Variants in PTPRK observed in about 807,000 individuals in gnomAD.
PTPRK encodes the protein receptor-type tyrosine-protein phosphatase kappa.
A neutral mutation model predicts 178.0 loss-of-function variants in PTPRK; 75 were observed. The ratio of observed to expected loss-of-function variants is 0.42; its 90% CI spans 0.35 to 0.51. The LOEUF (loss-of-function observed/expected upper bound fraction) is 0.51, where lower values mean the gene tolerates loss of function less well. PTPRK is among the 20% of genes least tolerant of loss of function. PTPRK has a pLI of 0.02. For synonymous variants in PTPRK, 637 were observed against 620.6 expected (o/e 1.03, Z -0.39); for missense variants, 1,441 against 1,797.8 (o/e 0.80, Z 3.59).
intron 2 of PTPRK, among the ~76,000 whole-genome samples, chr6:128,323,538 T>C (rs1254533239): frequency 6.6e-6 from 1 of 152,104 alleles, no homozygotes; most frequent in Non-Finnish European, 1.5e-5. Context: ...CCAAAATTTG[T>C]ACCCATGACA....
chr6:128,025,630 A>AACT (rs1562456546), intron 13 of PTPRK, among the ~76,000 whole-genome samples: 3 of 152,220 alleles, frequency 2.0e-5, no homozygotes, highest in Admixed American at 6.5e-5. Context: ...TGGGAACTAG[A>AACT]GGGCCCCAAA....
At chr6:128,251,591 C>T (rs1043037688) in intron 3 of PTPRK, among the ~76,000 whole-genome samples, 4 of 152,174 alleles carry the variant, frequency 2.6e-5, no homozygotes, top group African/African-American at 9.7e-5. Context: ...TACCTGAATA[C>T]ACACAGGCCT....
In PTPRK at chr6:128,212,006, T is replaced by C. The variant is rs79521434; in HGVS notation, c.868+6916A>G. On this transcript the variant is annotated intron_variant, in intron 6 of 29. Transcript: ENST00000368226. Reference sequence around the variant, plus strand: ...TTCTATAAGACTCTCCCAGTGTAACTTTTTAAAGCCAAATTAGTGCTTAAT... The same window carrying C: ...TTCTATAAGACTCTCCCAGTGTAACCTTTTAAAGCCAAATTAGTGCTTAAT... Among the ~76,000 whole-genome samples, 721 of 152,148 alleles carry C rather than the reference T, an allele frequency of 4.7e-3. 4 individuals carry two copies. Among genetic ancestry groups the C allele is most frequent in the Middle Eastern group, 0.01 (3 of 294 alleles).
At chr6:128,055,042 C>T (rs922025871) in intron 13 of PTPRK, among the ~76,000 whole-genome samples, 2 of 152,096 alleles carry the variant, frequency 1.3e-5, no homozygotes, top group African/African-American at 2.4e-5. Flanking sequence ...TAACTTTAAA[C>T]ATAAGAGAGT....
At chr6:128,197,299 C>T (rs1393306297) in intron 6 of PTPRK, among the ~76,000 whole-genome samples, 2 of 151,068 alleles carry the variant, frequency 1.3e-5, no homozygotes, top group East Asian at 3.9e-4. Context: ...ACCTATCAAC[C>T]TGTCATCTGG....
chr6:128,352,580 T>C (rs998254034), intron 2 of PTPRK, among the ~76,000 whole-genome samples: 3 of 152,158 alleles, frequency 2.0e-5, no homozygotes, highest in African/African-American at 7.2e-5. Flanking sequence ...GAACTTTTTT[T>C]ATTTCCTCTA....
intron 13 of PTPRK, among the ~76,000 whole-genome samples, chr6:128,055,653 G>A (rs899124789): frequency 3.3e-5 from 5 of 152,050 alleles, no homozygotes; most frequent in African/African-American, 7.2e-5. Flanking sequence ...AAGCTGGAGC[G>A]CAGTGGAGTG....
At chr6:128,330,712 T>C (rs1830151919) in intron 2 of PTPRK, among the ~76,000 whole-genome samples, 1 of 152,114 alleles carries the variant, frequency 6.6e-6, no homozygotes, top group South Asian at 2.1e-4. Context: ...ATACATTGCA[T>C]TGAGAATAAA....
chr6:128,166,851 A>G (rs771921753), intron 7 of PTPRK, among the ~76,000 whole-genome samples: 5 of 151,804 alleles, frequency 3.3e-5, no homozygotes, highest in Non-Finnish European at 5.9e-5. Context: ...GATGTAAATT[A>G]CACATATATC....
At position 127,973,118 on chromosome 6, in the gene PTPRK, G is replaced by A; in HGVS notation, c.4173C>T (p.Gly1391=). 1 of 1,613,998 alleles carries A rather than the reference G, an allele frequency of 6.2e-7. No homozygotes were observed. The highest frequency in any genetic ancestry group is 1.6e-4 in the Middle Eastern group (1 of 6,062). ...GGRSGMFCAI[G]IVVEMVKRQN... ...GCCGTTTCACCATTTCAACAACGAT[G>A]CCTATAGCACAGAACATGCCACTTC... Residue 1391 remains glycine (G), a synonymous_variant, in exon 29 of 30, where the codon GGC becomes GGT. Coordinates refer to ENST00000368226, the MANE Select transcript of PTPRK (RefSeq NM_002844.4).
At chr6:128,114,814 G>C (rs1791226401) in intron 7 of PTPRK, among the ~76,000 whole-genome samples, 1 of 151,856 alleles carries the variant, frequency 6.6e-6, no homozygotes, top group African/African-American at 2.4e-5. Context: ...TAAAGACCCA[G>C]AGACAGAGCA....
chr6:128,255,667 A>G (rs1012687471), intron 3 of PTPRK, among the ~76,000 whole-genome samples: 1 of 152,236 alleles, frequency 6.6e-6, no homozygotes, highest in African/African-American at 2.4e-5. Context: ...AAATACTGGT[A>G]AGACAGATCA....
At chr6:128,074,194 C>G (rs1413358444) in intron 11 of PTPRK, among the ~76,000 whole-genome samples, 3 of 151,888 alleles carry the variant, frequency 2.0e-5, no homozygotes, top group Non-Finnish European at 2.9e-5. Flanking sequence ...ATTAGATGTT[C>G]TCCACAAAAC....
chr6:128,425,887 C>T (rs758358518), intron 1 of PTPRK, among the ~76,000 whole-genome samples: 2 of 152,170 alleles, frequency 1.3e-5, no homozygotes, highest in Admixed American at 6.5e-5. Flanking sequence ...TGTTTCATAG[C>T]ATTTCTATGT....
chr6:128,076,742 T>A (rs553178432), intron 11 of PTPRK, among the ~76,000 whole-genome samples: 12 of 152,114 alleles, frequency 7.9e-5, no homozygotes, highest in African/African-American at 2.9e-4. Context: ...TATATAAAGG[T>A]AATAAAGTAA....
At chr6:128,227,185 C>T (rs1029205621) in intron 5 of PTPRK, among the ~76,000 whole-genome samples, 1 of 152,072 alleles carries the variant, frequency 6.6e-6, no homozygotes, top group Non-Finnish European at 1.5e-5. Flanking sequence ...AACAAAGAAA[C>T]ATAATGGGAT....
At chr6:128,265,637 A>G (rs1818829517) in intron 3 of PTPRK, among the ~76,000 whole-genome samples, 1 of 152,194 alleles carries the variant, frequency 6.6e-6, no homozygotes, top group Non-Finnish European at 1.5e-5. Flanking sequence ...AGTGTGATAT[A>G]TAAGTGAACT....
intron 15 of PTPRK, 36 bp from the exon 16 acceptor site, chr6:127,998,940 G>T (rs770850385): frequency 5.4e-6 from 8 of 1,471,336 alleles, no homozygotes; most frequent in Non-Finnish European, 7.3e-6. Context: ...TTAAAAAAGA[G>T]ACAAAGTTAT....
chr6:128,018,021 C>T (rs931008361), intron 13 of PTPRK, among the ~76,000 whole-genome samples: 1 of 150,952 alleles, frequency 6.6e-6, no homozygotes, highest in Non-Finnish European at 1.5e-5. Flanking sequence ...AACACCTTTC[C>T]CTTAACTACC....
Sources: gnomAD v4.1 joint callset for allele counts (sites outside exome capture counted in the v4.1 genomes callset) on GRCh38, gnomAD v4.1.1 for gene constraint, MANE v1.5 for transcripts, NCBI Gene and HGNC (gene_info 2026-07-23, HGNC 2026-07-21) for gene names.